The following TANGO6 variants were observed in gnomAD, a reference collection of about 807,000 sequenced individuals.
TANGO6 encodes transport and Golgi organization protein 6 homolog.
In TANGO6, 90 loss-of-function variants were observed where a neutral mutation model predicts 114.2. The ratio of observed to expected loss-of-function variants is 0.79; its 90% CI spans 0.66 to 0.94. The LOEUF (loss-of-function observed/expected upper bound fraction) is 0.94, where lower values mean the gene tolerates loss of function less well. TANGO6 is among the 40% of genes least tolerant of loss of function. The pLI, the probability that TANGO6 is intolerant of heterozygous loss-of-function variation, is 0.00. For missense variants in TANGO6, 1,274 were observed against 1,315.3 expected (o/e 0.97, Z 0.49); for synonymous variants, 477 against 509.8 (o/e 0.94, Z 0.87).
intron 15 of TANGO6, among the ~76,000 whole-genome samples, chr16:69,015,782 TG>T (rs1237660708): frequency 2.0e-5 from 3 of 152,038 alleles, no homozygotes; most frequent in African/African-American, 4.8e-5. Flanking sequence ...ACCTGGCCAA[TG>T]GATGCTCATT....
chr16:69,057,910 A>G (rs987502023), intron 17 of TANGO6, among the ~76,000 whole-genome samples: 3 of 152,110 alleles, frequency 2.0e-5, no homozygotes, highest in Non-Finnish European at 4.4e-5. Context: ...CAGTCCAACC[A>G]CAGACTACGC....
chr16:68,853,485 A>G (rs1567523676), intron 1 of TANGO6, among the ~76,000 whole-genome samples: 1 of 152,166 alleles, frequency 6.6e-6, no homozygotes, highest in South Asian at 2.1e-4. Context: ...AGGTTTTTTA[A>G]CCCGTAGATT....
At position 69,084,354 on chromosome 16, in the gene TANGO6, A is replaced by G. The variant is rs994628701; in HGVS notation, c.*693A>G. On this transcript the variant is annotated 3_prime_UTR_variant, in exon 18 of 18. Transcript: ENST00000261778. ...AGCCCTGTATTTATCCTCCCAGGCC[A>G]TTCTTCTTCACTCCTGCTGCTGTTT... The G allele has an allele frequency of 2.6e-5, 4 of 152,308 alleles. No individual in the cohort carries two copies. The highest frequency in any genetic ancestry group is 5.9e-5 in the Non-Finnish European group (4 of 68,044). The allele number at this position is 152,308 out of a possible 1,614,324, so 9.4% of individuals were successfully genotyped here.
At chr16:69,066,552 C>G (rs1259414786) in intron 17 of TANGO6, among the ~76,000 whole-genome samples, 2 of 152,140 alleles carry the variant, frequency 1.3e-5, no homozygotes, top group Non-Finnish European at 2.9e-5. Flanking sequence ...CCACCTTGGC[C>G]TCCCAAAGTG....
chr16:68,885,176 G>C (rs1379368235), intron 7 of TANGO6, among the ~76,000 whole-genome samples: 1 of 152,206 alleles, frequency 6.6e-6, no homozygotes, highest in Non-Finnish European at 1.5e-5. Context: ...TGATCCAGCT[G>C]CTCACTAGGT....
chr16:68,995,551 G>C (rs1014790477), intron 15 of TANGO6, among the ~76,000 whole-genome samples: 1 of 152,176 alleles, frequency 6.6e-6, no homozygotes, highest in African/African-American at 2.4e-5. Context: ...AATCGGAAGT[G>C]TTCCGTTCTT....
chr16:68,850,366 T>G (rs1039323345), intron 1 of TANGO6, among the ~76,000 whole-genome samples: 1 of 152,174 alleles, frequency 6.6e-6, no homozygotes, highest in Non-Finnish European at 1.5e-5. Flanking sequence ...GTATTATATA[T>G]GTGCATGTAT....
At chr16:68,977,842 C>T (rs376994418) in intron 15 of TANGO6, among the ~76,000 whole-genome samples, 12 of 151,602 alleles carry the variant, frequency 7.9e-5, no homozygotes, top group Non-Finnish European at 1.5e-4. Flanking sequence ...CACACCACCA[C>T]GCCCGGCTAA....
chr16:68,960,959 T>C (rs775664618), intron 14 of TANGO6, among the ~76,000 whole-genome samples: 1 of 152,244 alleles, frequency 6.6e-6, no homozygotes, highest in African/African-American at 2.4e-5. Context: ...TTCTTTCATA[T>C]GGCTTTTCCG....
At chr16:68,992,771 A>T (rs1567554977) in intron 15 of TANGO6, among the ~76,000 whole-genome samples, 1 of 152,122 alleles carries the variant, frequency 6.6e-6, no homozygotes, top group Non-Finnish European at 1.5e-5. Context: ...ATTCTATGTT[A>T]AAAAAGCAGA....
At chr16:68,943,984 C>T (rs994779824) in intron 14 of TANGO6, among the ~76,000 whole-genome samples, 1 of 152,158 alleles carries the variant, frequency 6.6e-6, no homozygotes, top group Admixed American at 6.5e-5. Context: ...AGGAGAGTCT[C>T]AACCAACTTT....
At chr16:68,889,103 C>T (rs189405788) in intron 7 of TANGO6, among the ~76,000 whole-genome samples, 3 of 152,330 alleles carry the variant, frequency 2.0e-5, no homozygotes, top group African/African-American at 7.2e-5. Flanking sequence ...GGATTACAGG[C>T]GTGAGCCACC....
At chr16:68,943,238 C>G (rs1244809000) in intron 14 of TANGO6, among the ~76,000 whole-genome samples, 1 of 149,240 alleles carries the variant, frequency 6.7e-6, no homozygotes, top group Non-Finnish European at 1.5e-5. Context: ...TTTTTTATTT[C>G]TCTTTTTTTC....
Position 68,950,585 on chromosome 16 carries a change from G to A in TANGO6, c.2701+20290G>A, listed in dbSNP as rs548576232. Among the ~76,000 whole-genome samples the A allele has an allele frequency of 2.0e-5, 3 of 149,996 alleles. No homozygotes were observed. The South Asian group carries it at 6.3e-4, about 32-fold the overall frequency. On this transcript the variant is annotated intron_variant, in intron 14 of 17. Coordinates refer to ENST00000261778, the MANE Select transcript of TANGO6 (RefSeq NM_024562.2). ...GTTTTAAAAAAAAAATTTAGGATGG[G>A]CGCGGTGGCTCACACCTGTAGTCCC...
intron 1 of TANGO6, among the ~76,000 whole-genome samples, chr16:68,847,309 G>T (rs887794167): frequency 6.6e-6 from 1 of 152,170 alleles, no homozygotes; most frequent in Non-Finnish European, 1.5e-5. Context: ...TTATGAAATG[G>T]TTTTGACCTT....
In TANGO6 at chr16:68,878,125, A is replaced by G; in HGVS notation, c.1139A>G (p.Asp380Gly). ...YYRDICPQVL[D>G]LFHFQDKLTA... ...CTTGTAGTTTTTTTGTAGGTTCTGG[A>G]TTTATTTCACTTTCAAGATAAATTG... The change falls in exon 6 of 18, where the codon GAT becomes GGT. Residue 380 changes from aspartate (D) to glycine (G), a missense_variant. This residue lies in a region of TANGO6 where 908 missense variants were observed against 910.2 expected (regional missense o/e 1.00). Transcript: ENST00000261778. 3 of 1,610,176 alleles carry G rather than the reference A, an allele frequency of 1.9e-6. No homozygotes were observed. Among genetic ancestry groups the G allele is most frequent in the Non-Finnish European group, 2.5e-6 (3 of 1,178,280 alleles).
rs143561718 is a variant in TANGO6, at chr16:69,036,864, G to A, written c.2995-3444G>A. 5.4e-3 allele frequency among the ~76,000 whole-genome samples: 819 copies of A among 152,184 alleles called. 3 individuals carry two copies. Among genetic ancestry groups the A allele is most frequent in the South Asian group, 0.016 (75 of 4,806 alleles). ...TGTAGTCCCAGCTACTCCGGAGGCC[G>A]AGGTGGGAGGAGTGCCAGAGCCTGG... is the stretch of plus-strand genomic sequence containing the variant. On this transcript the variant is annotated intron_variant, in intron 16 of 17. Coordinates refer to ENST00000261778, the MANE Select transcript of TANGO6 (RefSeq NM_024562.2).
At chr16:68,859,208 TCAC>T (rs1962048140) in intron 1 of TANGO6, among the ~76,000 whole-genome samples, 1 of 152,302 alleles carries the variant, frequency 6.6e-6, no homozygotes, top group African/African-American at 2.4e-5. Context: ...TCTTGCTCTG[TCAC>T]CCAGGCTAGA....
chr16:69,075,455 A>ATT (rs34374864), intron 17 of TANGO6, among the ~76,000 whole-genome samples: 6 of 138,930 alleles, frequency 4.3e-5, no homozygotes, highest in Admixed American at 7.3e-5. Context: ...TTCAACTTTT[A>ATT]TTTTTTTTTT....
Sources: allele counts gnomAD v4.1 joint callset (sites outside exome capture counted in the v4.1 genomes callset), GRCh38; gene constraint gnomAD v4.1.1; regional missense constraint gnomAD v4.1.1; transcripts MANE v1.5; gene names NCBI Gene and HGNC (gene_info 2026-07-23, HGNC 2026-07-21).